KYNU: variants seen among roughly 807,000 people sequenced by gnomAD.
KYNU encodes the protein L-kynurenine hydrolase.
Under a neutral mutation model 59.2 loss-of-function variants are expected in KYNU, and 54 were observed. That is an observed-to-expected ratio of 0.91 (90% CI 0.73 to 1.14). KYNU has a LOEUF of 1.14. Ranked by LOEUF, KYNU falls within the 50% of genes most tolerant of loss-of-function variation. The pLI is 0.00. For missense variants in KYNU, 567 were observed against 554.4 expected, an observed-to-expected ratio of 1.02 and a Z score of -0.23; for synonymous variants, 177 against 192.0, an observed-to-expected ratio of 0.92 and a Z score of 0.65.
intron 12 of KYNU, 84 bp downstream of exon 12, chr2:143,033,405 A>G: frequency 1.0e-6 from 1 of 963,186 alleles, no homozygotes; most frequent in East Asian, 2.4e-5. Context: ...TTTCTCTGCT[A>G]CACAGCAAGA....
In KYNU at chr2:143,043,051, C is replaced by A. The variant is rs1258991306; in HGVS notation, c.*879C>A. ...TGTTGGAAACTCATTATATTGATTTCCTTACCCACTCATGGGCCCTAATTC... is the reference window on the plus strand; with the variant it reads ...TGTTGGAAACTCATTATATTGATTTACTTACCCACTCATGGGCCCTAATTC... On this transcript the variant is annotated 3_prime_UTR_variant, in exon 14 of 14. Coordinates refer to ENST00000264170, the MANE Select transcript of KYNU (RefSeq NM_003937.3). 6.6e-6 allele frequency: 1 copy of A among 151,878 alleles called. No homozygotes were observed. 9.4% of individuals were successfully genotyped at this position (151,878 alleles called of 1,614,324 possible).
At chr2:142,934,819 T>C (rs76614188) in intron 4 of KYNU, among the ~76,000 whole-genome samples, 15,005 of 152,136 alleles carry the variant, frequency 0.099, 937 homozygotes, top group East Asian at 0.32. Flanking sequence ...GGGCGGTCCT[T>C]GTGGGGTCCG....
chr2:142,902,630 C>A (rs1040653009), intron 2 of KYNU, among the ~76,000 whole-genome samples: 1 of 152,122 alleles, frequency 6.6e-6, no homozygotes, highest in African/African-American at 2.4e-5. Context: ...AAGTATTTAA[C>A]CTGCTGTAAG....
chr2:142,953,544 A>G (rs1248928191), intron 4 of KYNU, among the ~76,000 whole-genome samples: 1 of 152,224 alleles, frequency 6.6e-6, no homozygotes, highest in Admixed American at 6.5e-5. Flanking sequence ...ATGGAGAAGA[A>G]GGCATATGTC....
intron 8 of KYNU, among the ~76,000 whole-genome samples, chr2:142,965,356 A>G (rs1460467518): frequency 1.3e-5 from 2 of 152,114 alleles, no homozygotes; most frequent in Non-Finnish European, 2.9e-5. Flanking sequence ...ATATTTCTGA[A>G]TCAAAGATGA....
At chr2:143,012,018 C>G (rs1686117492) in intron 10 of KYNU, among the ~76,000 whole-genome samples, 1 of 145,332 alleles carries the variant, frequency 6.9e-6, no homozygotes, top group South Asian at 2.2e-4. Flanking sequence ...ACATATGTAA[C>G]TAACCTGCAC....
chr2:143,040,517 C>T lies in KYNU; in HGVS notation c.1131C>T (p.Gly377=), dbSNP rs919437451. ...YLEYLIKHNY[G]KDKAATKKPV... is the part of the protein sequence containing the mutation. The stretch of plus-strand genomic sequence containing the variant: ...AATACCTGATCAAGCATAACTATGG[C>T]AAAGATAAAGCAGCAACCAAGAAAC... The change falls in exon 13 of 14, where the codon GGC becomes GGT. Residue 377 remains glycine, a synonymous_variant. Coordinates refer to ENST00000264170, the MANE Select transcript of KYNU (RefSeq NM_003937.3). 1.2e-6 allele frequency: 2 copies of T among 1,613,046 alleles called. No individual in the cohort carries two copies. The highest frequency in any genetic ancestry group is 2.7e-5 in the African/African-American group (2 of 74,836).
intron 8 of KYNU, among the ~76,000 whole-genome samples, chr2:142,961,905 A>G (rs1414462913): frequency 6.6e-6 from 1 of 152,206 alleles, no homozygotes; most frequent in Non-Finnish European, 1.5e-5. Context: ...TACATGTGAG[A>G]TCTAGTTAAT....
At chr2:142,933,662 C>T (rs1341213849) in intron 4 of KYNU, among the ~76,000 whole-genome samples, 1 of 151,986 alleles carries the variant, frequency 6.6e-6, no homozygotes, top group African/African-American at 2.4e-5. Context: ...CTCGTTTTGT[C>T]AAGAAGTTTA....
intron 1 of KYNU, among the ~76,000 whole-genome samples, chr2:142,884,620 C>A (rs1285069034): frequency 6.6e-6 from 1 of 150,614 alleles, no homozygotes; most frequent in Non-Finnish European, 1.5e-5. Context: ...CTTACTCTGT[C>A]CTGAGCACTA....
At chr2:143,040,357 G>T (rs942987642) in intron 12 of KYNU, 71 bp from the exon 13 acceptor site, 1 of 1,044,780 alleles carries the variant, frequency 9.6e-7, no homozygotes, top group South Asian at 1.3e-5. Flanking sequence ...TTTTATGCAT[G>T]ATTTACTCTT....
intron 2 of KYNU, among the ~76,000 whole-genome samples, chr2:142,914,630 T>C (rs1465205501): frequency 6.6e-6 from 1 of 152,266 alleles, no homozygotes; most frequent in Non-Finnish European, 1.5e-5. Flanking sequence ...CTGTGGCACA[T>C]ATTGGCAATT....
chr2:142,898,058 T>G (rs917946798), intron 2 of KYNU, among the ~76,000 whole-genome samples: 1 of 152,078 alleles, frequency 6.6e-6, no homozygotes, highest in African/African-American at 2.4e-5. Context: ...TGCACCACCA[T>G]GTCTGGCTAA....
At chr2:143,031,857 TCA>T (rs1349604058) in intron 11 of KYNU, among the ~76,000 whole-genome samples, 2 of 152,274 alleles carry the variant, frequency 1.3e-5, no homozygotes, top group East Asian at 3.9e-4. Context: ...TTTAATTGAC[TCA>T]CAGTTTCACA....
intron 1 of KYNU, among the ~76,000 whole-genome samples, chr2:142,883,322 G>A (rs916548931): frequency 2.0e-5 from 3 of 149,352 alleles, no homozygotes; most frequent in Admixed American, 6.8e-5. Flanking sequence ...AGCTTCCCGA[G>A]TAGCTGGGAC....
At chr2:143,036,564 A>T (rs1472582478) in intron 12 of KYNU, among the ~76,000 whole-genome samples, 2 of 152,216 alleles carry the variant, frequency 1.3e-5, no homozygotes, top group Non-Finnish European at 1.5e-5. Flanking sequence ...TATTTAGGCT[A>T]AATTGTGGGA....
intron 1 of KYNU, among the ~76,000 whole-genome samples, chr2:142,879,991 A>C (rs1448849845): frequency 6.6e-6 from 1 of 152,162 alleles, no homozygotes; most frequent in Non-Finnish European, 1.5e-5. Context: ...CTTGATTCTG[A>C]ATTTCATTAG....
At chr2:143,031,198 A>G (rs1046607885) in intron 11 of KYNU, among the ~76,000 whole-genome samples, 1 of 152,196 alleles carries the variant, frequency 6.6e-6, no homozygotes, top group Non-Finnish European at 1.5e-5. Context: ...TAGATCTGTT[A>G]TTATACCAGT....
At chr2:142,945,639 T>C (rs1683746553) in intron 4 of KYNU, among the ~76,000 whole-genome samples, 1 of 152,198 alleles carries the variant, frequency 6.6e-6, no homozygotes, top group African/African-American at 2.4e-5. Flanking sequence ...TCTAGAATGG[T>C]AGATCCTTTC....
Sources: allele counts gnomAD v4.1 joint callset (sites outside exome capture counted in the v4.1 genomes callset), GRCh38; gene constraint gnomAD v4.1.1; transcripts MANE v1.5; gene names NCBI Gene and HGNC (gene_info 2026-07-23, HGNC 2026-07-21).